Variants in IFNGR1 observed in about 807,000 individuals in gnomAD.
The protein encoded by IFNGR1 is interferon gamma receptor 1.
A neutral mutation model predicts 35.4 loss-of-function variants in IFNGR1; 23 were observed. The observed-to-expected ratio is 0.65, with a 90% CI of 0.47 to 0.92. The LOEUF is 0.92. IFNGR1 is among the 40% of genes least tolerant of loss of function. The probability of loss-of-function intolerance (pLI) is 0.00; values close to 1 mark genes in which losing one functional copy is unlikely to be tolerated. For missense variants in IFNGR1, 533 were observed against 583.4 expected (o/e 0.91, Z 0.89); for synonymous variants, 199 against 209.5 (o/e 0.95, Z 0.43).
intron 1 of IFNGR1, chr6:137,218,927 C>G: frequency 4.2e-6 from 2 of 478,398 alleles, no homozygotes; most frequent in East Asian, 4.2e-5. Context: ...CCACGCTGTC[C>G]CACATTGACC....
At chr6:137,216,013 T>C (rs1307291137) in intron 1 of IFNGR1, among the ~76,000 whole-genome samples, 5 of 152,210 alleles carry the variant, frequency 3.3e-5, no homozygotes, top group Non-Finnish European at 1.5e-5. Context: ...AGGTTTTCTT[T>C]TAGATAGAAC....
At chr6:137,204,106 G>A (rs956838907) in intron 4 of IFNGR1, among the ~76,000 whole-genome samples, 10 of 152,126 alleles carry the variant, frequency 6.6e-5, no homozygotes, top group African/African-American at 2.2e-4. Flanking sequence ...GAGCCATTCT[G>A]CTAAATGAAG....
intron 1 of IFNGR1, chr6:137,218,562 A>C: frequency 1.1e-5 from 14 of 1,266,570 alleles, no homozygotes; most frequent in Non-Finnish European, 1.4e-5. Flanking sequence ...GACATAATGC[A>C]TACTTTCCTA....
chr6:137,211,369 T>C (rs1779569340), intron 1 of IFNGR1, among the ~76,000 whole-genome samples: 1 of 152,216 alleles, frequency 6.6e-6, no homozygotes, highest in South Asian at 2.1e-4. Flanking sequence ...AACAAATGAA[T>C]AGATTTGGTT....
chr6:137,219,321 G>A lies in IFNGR1; in HGVS notation c.7C>T (p.Leu3Phe), dbSNP rs1406767058. Residue 3 changes from leucine to phenylalanine, a missense_variant, in exon 1 of 7, where the codon CTC becomes TTC. By Grantham distance (22) the Leu-to-Phe change is conservative (BLOSUM62 0). Coordinates refer to ENST00000367739, the MANE Select transcript of IFNGR1 (RefSeq NM_000416.3). The part of the protein sequence containing the change: MA[L>F]LFLLPLVMQG... ...ATGACAAGGGGTAGGAGAAAGAGGA[G>A]AGCCATGCTGCTACCGACGGTCGCT... The A allele has an allele frequency of 1.2e-6, 2 of 1,607,446 alleles. No homozygotes were observed. The highest frequency in any genetic ancestry group is 1.7e-6 in the Non-Finnish European group (2 of 1,177,396).
intron 2 of IFNGR1, chr6:137,206,689 C>T (rs140164141): frequency 4.3e-6 from 2 of 466,988 alleles, no homozygotes; most frequent in East Asian, 3.8e-5. Flanking sequence ...TAAAAATACA[C>T]TACAGGAAGA....
chr6:137,200,843 T>G, intron 6 of IFNGR1, 38 bp downstream of exon 6: 1 of 1,437,532 alleles, frequency 7.0e-7, no homozygotes, highest in Non-Finnish European at 9.5e-7. Flanking sequence ...AGGTTCAAGT[T>G]AACTTTTTAG....
Position 137,198,351 on chromosome 6 carries a change from T to C in IFNGR1, c.1150A>G (p.Ser384Gly). The C allele has an allele frequency of 1.2e-6, 2 of 1,614,050 alleles. No homozygotes were observed. The highest frequency in any genetic ancestry group is 2.2e-5 in the East Asian group (1 of 44,890). Residue 384 changes from serine to glycine, a missense_variant, in exon 7 of 7, where the codon AGT (serine) becomes GGT (glycine). Transcript: ENST00000367739. ...ATGCTGCCAGGTTCAGACTGGTTAC[T>C]ACTTAAAGGTGAAGAACTCTCTCTC... ...IERESSSPLSSNQSEPGSIAL... is the reference protein window; with the variant it reads ...IERESSSPLSGNQSEPGSIAL...
At chr6:137,200,339 C>CA (rs1189364122) in intron 6 of IFNGR1, among the ~76,000 whole-genome samples, 1 of 152,182 alleles carries the variant, frequency 6.6e-6, no homozygotes, top group South Asian at 2.1e-4. Context: ...TTAAAATCGT[C>CA]AAACTCCTAC....
intron 5 of IFNGR1, among the ~76,000 whole-genome samples, chr6:137,202,020 C>G (rs182067776): frequency 9.2e-4 from 139 of 151,884 alleles, no homozygotes; most frequent in South Asian, 7.3e-3. Flanking sequence ...TAACAGCACT[C>G]TAACATACTG....
intron 1 of IFNGR1, 116 bp from the exon 2 acceptor site, chr6:137,207,193 T>A: frequency 7.5e-7 from 1 of 1,327,550 alleles, no homozygotes; most frequent in South Asian, 1.5e-5. Context: ...AAAAGTAGAA[T>A]TCACCAGGAT....
At chr6:137,209,811 A>G in intron 1 of IFNGR1, 1 of 398,744 alleles carries the variant, frequency 2.5e-6, no homozygotes, top group Non-Finnish European at 4.4e-6. Context: ...ACTACTATTT[A>G]TGCCTTCCAC....
At chr6:137,215,167 A>C in intron 1 of IFNGR1, 4 of 1,397,528 alleles carry the variant, frequency 2.9e-6, no homozygotes, top group Non-Finnish European at 3.9e-6. Flanking sequence ...GGCTTAGAGA[A>C]GTTACGTAAC....
chr6:137,198,907 T>C (rs533605066), intron 6 of IFNGR1, among the ~76,000 whole-genome samples: 1 of 152,182 alleles, frequency 6.6e-6, no homozygotes, highest in African/African-American at 2.4e-5. Context: ...GTCAACTTGA[T>C]TGGACTGAAG....
chr6:137,197,944 T>C lies in IFNGR1; in HGVS notation c.*87A>G. 6.3e-7 allele frequency: 1 copy of C among 1,576,128 alleles called. No individual in the cohort carries two copies. The highest frequency in any genetic ancestry group is 1.1e-5 in the South Asian group (1 of 89,260). On this transcript the variant is annotated 3_prime_UTR_variant, in exon 7 of 7. Transcript: ENST00000367739. Reference sequence around the variant, plus strand: ...TTGGTTGATACCAACTAAGATACAATTTCTGAGATCATAATCTTTTCATGA... The same window carrying C: ...TTGGTTGATACCAACTAAGATACAACTTCTGAGATCATAATCTTTTCATGA...
chr6:137,209,628 C>T (rs1329801823), intron 1 of IFNGR1, among the ~76,000 whole-genome samples: 2 of 152,166 alleles, frequency 1.3e-5, no homozygotes, highest in African/African-American at 2.4e-5. Flanking sequence ...TCTGAGGCCT[C>T]CCCAGCCATG....
At chr6:137,215,184 A>T (rs1195536733) in intron 1 of IFNGR1, 1 of 1,504,948 alleles carries the variant, frequency 6.6e-7, no homozygotes, top group Non-Finnish European at 8.9e-7. Flanking sequence ...TAACTTGACA[A>T]TATGCAAAGT....
chr6:137,198,816 T>C (rs550740674), intron 6 of IFNGR1, among the ~76,000 whole-genome samples, 177 bp from the exon 7 acceptor site: 2 of 152,248 alleles, frequency 1.3e-5, no homozygotes, highest in African/African-American at 4.8e-5. Context: ...AAAACAAAGT[T>C]TTAGAATTTT....
At position 137,210,220 on chromosome 6, in the gene IFNGR1, C is replaced by T. The variant is rs534563208; in HGVS notation, c.86-3143G>A. Reference sequence around the variant, plus strand: ...GCCTGTGCCTGTAGTTTCAGCTACTCGGGAGGCTGAGGAAGATTGCTTGAG... The same window carrying T: ...GCCTGTGCCTGTAGTTTCAGCTACTTGGGAGGCTGAGGAAGATTGCTTGAG... On this transcript the variant is annotated intron_variant, in intron 1 of 6. Transcript: ENST00000367739. 7.9e-5 allele frequency among the ~76,000 whole-genome samples: 12 copies of T among 151,192 alleles called. No individual in the cohort carries two copies. The East Asian group carries it at 1.9e-3, about 25-fold the overall frequency.
Sources: gnomAD v4.1 joint callset for allele counts (sites outside exome capture counted in the v4.1 genomes callset) on GRCh38, gnomAD v4.1.1 for gene constraint, MANE v1.5 for transcripts, NCBI Gene and HGNC (gene_info 2026-07-23, HGNC 2026-07-21) for gene names.